The following CCDC192 variants were observed in gnomAD, a reference collection of about 807,000 sequenced individuals.
CCDC192 encodes the protein coiled-coil domain containing 192.
intron 3 of CCDC192, chr5:127,785,137 TG>T (rs1408348699): frequency 1.9e-6 from 1 of 523,386 alleles, no homozygotes; most frequent in Non-Finnish European, 3.9e-6. Context: ...TGTGGATGCC[TG>T]CAAAGTATAT....
chr5:127,852,281 ATTATT>A (rs908991654), intron 5 of CCDC192, among the ~76,000 whole-genome samples: 1 of 152,216 alleles, frequency 6.6e-6, no homozygotes, highest in African/African-American at 2.4e-5. Context: ...CATTTTCACA[ATTATT>A]TTCTTTACGC....
intron 2 of CCDC192, among the ~76,000 whole-genome samples, chr5:127,727,560 CA>C (rs1295946062): frequency 1.6e-4 from 25 of 151,990 alleles, no homozygotes; most frequent in Non-Finnish European, 7.4e-5. Flanking sequence ...AAACCCCATC[CA>C]AAAGTCAGCA....
At chr5:127,774,232 A>G (rs2126917742) in intron 3 of CCDC192, among the ~76,000 whole-genome samples, 1 of 152,182 alleles carries the variant, frequency 6.6e-6, no homozygotes, top group South Asian at 2.1e-4. Flanking sequence ...TCTTGATTAT[A>G]TTCTTTGCTA....
At chr5:127,919,073 A>ATGTGTG (rs70997353) in intron 6 of CCDC192, among the ~76,000 whole-genome samples, 8,478 of 137,358 alleles carry the variant, frequency 0.062, 649 homozygotes, top group African/African-American at 0.19. Flanking sequence ...GTGTGTATAT[A>ATGTGTG]TGTGTGTGTG....
At chr5:127,852,821 G>T (rs1750860575) in intron 5 of CCDC192, among the ~76,000 whole-genome samples, 1 of 152,090 alleles carries the variant, frequency 6.6e-6, no homozygotes, top group South Asian at 2.1e-4. Context: ...CTGGCCGGGT[G>T]CGGTGGCTCA....
chr5:127,872,633 T>A (rs1751909693), intron 5 of CCDC192, among the ~76,000 whole-genome samples: 1 of 152,178 alleles, frequency 6.6e-6, no homozygotes, highest in Non-Finnish European at 1.5e-5. Flanking sequence ...TTTGCCAGGA[T>A]GCATCCTATC....
In CCDC192 at chr5:127,841,964, G is replaced by A. The variant is rs77216469; in HGVS notation, c.412-33574G>A. ...TTGACTATTGCTTGGCCTCAATGAG[G>A]ACAGAAAAGGGAGTGACAGAGGCTG... is the stretch of plus-strand genomic sequence containing the variant. On this transcript the variant is annotated intron_variant, in intron 5 of 6. Coordinates refer to ENST00000514853, the MANE Select transcript of CCDC192 (RefSeq NM_001317938.2). Among the ~76,000 whole-genome samples the A allele has an allele frequency of 1.7e-3, 260 of 152,330 alleles. 1 individual carries two copies. Among genetic ancestry groups the A allele is most frequent in the African/African-American group, 5.9e-3 (245 of 41,586 alleles).
At chr5:127,906,191 C>T (rs1003554424) in intron 6 of CCDC192, among the ~76,000 whole-genome samples, 2 of 152,176 alleles carry the variant, frequency 1.3e-5, no homozygotes, top group African/African-American at 2.4e-5. Context: ...ACTGCTCTCC[C>T]CCGCCTGCAG....
intron 6 of CCDC192, among the ~76,000 whole-genome samples, chr5:127,938,217 G>T (rs1183238888): frequency 1.3e-5 from 2 of 152,148 alleles, no homozygotes. Context: ...CTGCTACCTG[G>T]GTACCTACAC....
At chr5:127,905,809 G>A (rs1188900968) in intron 6 of CCDC192, among the ~76,000 whole-genome samples, 1 of 152,088 alleles carries the variant, frequency 6.6e-6, no homozygotes, top group African/African-American at 2.4e-5. Flanking sequence ...AAAAAAAGCA[G>A]GGATTACCCA....
At chr5:127,901,474 G>A (rs1304666736) in intron 6 of CCDC192, among the ~76,000 whole-genome samples, 2 of 152,136 alleles carry the variant, frequency 1.3e-5, no homozygotes, top group African/African-American at 2.4e-5. Flanking sequence ...CTGGTTTAGA[G>A]AAGTAGAAAA....
chr5:127,736,888 A>G lies in CCDC192; in HGVS notation c.115-17380A>G, dbSNP rs549386643. Reference sequence around the variant, plus strand: ...ATCCTTTCAAAAAACCAGCTCCTGGATTCATTAATTTTTTGAAGGGTTTTT... The same window carrying G: ...ATCCTTTCAAAAAACCAGCTCCTGGGTTCATTAATTTTTTGAAGGGTTTTT... On this transcript the variant is annotated intron_variant, in intron 2 of 6. Coordinates refer to ENST00000514853, the MANE Select transcript of CCDC192 (RefSeq NM_001317938.2). Among the ~76,000 whole-genome samples, 383 of 135,836 alleles carry G rather than the reference A, an allele frequency of 2.8e-3. 4 individuals are homozygous for G. The highest frequency in any genetic ancestry group is 9.6e-3 in the African/African-American group (369 of 38,432). 89.1% of individuals were successfully genotyped at this position (135,836 alleles called of 152,430 possible). A position where few individuals can be genotyped will look rare whatever the true frequency, so the allele number is the denominator to read the frequency against.
rs529978152 is a variant in CCDC192, at chr5:127,875,675, C to T, written c.535+14C>T. On this transcript the variant is annotated intron_variant, in intron 6 of 6. Coordinates refer to ENST00000514853, the MANE Select transcript of CCDC192 (RefSeq NM_001317938.2). ...CAGCCCCTAGAGGTCAGTATTACCA[C>T]GTGACAGATCCACACTGGCCCGTCA... 1.3e-5 allele frequency: 5 copies of T among 398,760 alleles called. No individual in the cohort carries two copies. The highest frequency in any genetic ancestry group is 4.1e-5 in the African/African-American group (2 of 48,696). The allele number at this position is 398,760 out of a possible 1,614,324, so 24.7% of individuals were successfully genotyped here.
chr5:127,913,474 G>A (rs142653610), intron 6 of CCDC192, among the ~76,000 whole-genome samples: 75 of 152,328 alleles, frequency 4.9e-4, no homozygotes, highest in Non-Finnish European at 4.6e-4. Context: ...CTGGAAAAGG[G>A]ATTTTTAGGT....
rs187788789 is a variant in CCDC192, at chr5:127,877,002, C to T, written c.535+1341C>T. ...ACAGAATATTATCCATTTAAAAGTC[C>T]TTATTCTGAGGCATTAGCCAGATTT... On this transcript the variant is annotated intron_variant, in intron 6 of 6. Coordinates refer to ENST00000514853, the MANE Select transcript of CCDC192 (RefSeq NM_001317938.2). 2.1e-3 allele frequency among the ~76,000 whole-genome samples: 312 copies of T among 152,132 alleles called. 2 individuals are homozygous for T. Among genetic ancestry groups the T allele is most frequent in the Admixed American group, 4.5e-3 (69 of 15,282 alleles).
At chr5:127,914,783 C>T (rs1753470479) in intron 6 of CCDC192, among the ~76,000 whole-genome samples, 1 of 152,142 alleles carries the variant, frequency 6.6e-6, no homozygotes, top group Admixed American at 6.5e-5. Context: ...ACTTGAGCCT[C>T]TTACAACATT....
intron 6 of CCDC192, among the ~76,000 whole-genome samples, chr5:127,883,316 A>C (rs1752427716): frequency 6.6e-6 from 1 of 152,224 alleles, no homozygotes; most frequent in African/African-American, 2.4e-5. Context: ...CCAAGATGGG[A>C]TATTTTACAT....
At chr5:127,769,591 A>G (rs1755433981) in intron 3 of CCDC192, among the ~76,000 whole-genome samples, 1 of 152,216 alleles carries the variant, frequency 6.6e-6, no homozygotes, top group Non-Finnish European at 1.5e-5. Context: ...CTCAATATGT[A>G]GATTTGAAGA....
At chr5:127,928,889 C>CT (rs1192183520) in intron 6 of CCDC192, among the ~76,000 whole-genome samples, 1 of 152,092 alleles carries the variant, frequency 6.6e-6, no homozygotes, top group Non-Finnish European at 1.5e-5. Flanking sequence ...CCTCAGCCTC[C>CT]TGAGTAGCTG....
Sources: allele counts gnomAD v4.1 joint callset (sites outside exome capture counted in the v4.1 genomes callset), GRCh38; gene constraint gnomAD v4.1.1; transcripts MANE v1.5; gene names NCBI Gene and HGNC (gene_info 2026-07-23, HGNC 2026-07-21).